VLDLR: variants seen among roughly 807,000 people sequenced by gnomAD.
VLDLR encodes the protein very low density lipoprotein receptor.
VLDLR carries 81 observed loss-of-function variants against 112.7 expected under a neutral mutation model. The observed-to-expected ratio is 0.72, with a 90% CI of 0.60 to 0.86. The LOEUF (loss-of-function observed/expected upper bound fraction) is 0.86, where lower values mean the gene tolerates loss of function less well. VLDLR is among the 40% of genes least tolerant of loss of function. The probability of loss-of-function intolerance (pLI) is 0.00; values close to 1 mark genes in which losing one functional copy is unlikely to be tolerated. For missense variants in VLDLR, 1,237 were observed against 1,099.4 expected, an observed-to-expected ratio of 1.13 and a Z score of -1.77; for synonymous variants, 436 against 384.8, an observed-to-expected ratio of 1.13 and a Z score of -1.56.
chr9:2,629,707 T>G (rs1292886444), intron 1 of VLDLR, among the ~76,000 whole-genome samples: 6 of 152,256 alleles, frequency 3.9e-5, no homozygotes, highest in Admixed American at 3.9e-4. Context: ...ACAATTGAAC[T>G]GTAAAATTCA....
Position 2,643,527 on chromosome 9 carries a change from C to T in VLDLR, c.816C>T (p.Asn272=). Residue 272 remains asparagine (N), a synonymous_variant, in exon 5 of 19, where the codon AAC becomes AAT. Transcript: ENST00000382100. ...PDCKDGSDEV[N]CPSRTCRPDQ... is the part of the protein sequence containing the mutation. ...GCAAGGATGGCAGTGATGAGGTCAACTGTCGTAAGTAGCTTTCTAGCATGG... is the reference window on the plus strand; with the variant it reads ...GCAAGGATGGCAGTGATGAGGTCAATTGTCGTAAGTAGCTTTCTAGCATGG... 3 of 1,614,214 alleles carry T rather than the reference C, an allele frequency of 1.9e-6. No individual in the cohort carries two copies. The highest frequency in any genetic ancestry group is 2.5e-6 in the Non-Finnish European group (3 of 1,180,038).
Position 2,657,168 on chromosome 9 carries a change from A to T in VLDLR, c.*3300A>T, listed in dbSNP as rs545549168. 1 of 152,144 alleles carries T rather than the reference A, an allele frequency of 6.6e-6. No homozygotes were observed. The highest frequency in any genetic ancestry group is 1.5e-5 in the Non-Finnish European group (1 of 68,028). The allele number at this position is 152,144 out of a possible 1,614,324, so 9.4% of individuals were successfully genotyped here. A position where few individuals can be genotyped will look rare whatever the true frequency, so the allele number is the denominator to read the frequency against. On this transcript the variant is annotated 3_prime_UTR_variant, in exon 19 of 19. Coordinates refer to ENST00000382100, the MANE Select transcript of VLDLR (RefSeq NM_003383.5). ...AACAATCTTTACCCCAAACCTAAAG[A>T]TTCTAGGGGTCACTTATCTCTATTA...
chr9:2,645,131 C>G (rs748966589), intron 9 of VLDLR, 49 bp downstream of exon 9: 1 of 1,612,964 alleles, frequency 6.2e-7, no homozygotes, highest in Non-Finnish European at 8.5e-7. Flanking sequence ...TGAGTAAGTG[C>G]CTCTAAAAGG....
chr9:2,630,969 G>A (rs1817325700), intron 1 of VLDLR, among the ~76,000 whole-genome samples: 1 of 151,772 alleles, frequency 6.6e-6, no homozygotes, highest in Non-Finnish European at 1.5e-5. Context: ...CTCAAACAAT[G>A]GGGAAAAAAT....
chr9:2,645,794 TG>T, intron 10 of VLDLR, 49 bp downstream of exon 10: 2 of 1,610,146 alleles, frequency 1.2e-6, no homozygotes, highest in Non-Finnish European at 1.7e-6. Context: ...CATTGTCACT[TG>T]GGAAGTGATC....
rs1818729500 is a variant in VLDLR at position 2,659,633 on chromosome 9, G to C, written c.*5765G>C. 1 of 152,194 alleles carries C rather than the reference G, an allele frequency of 6.6e-6. No homozygotes were observed. The highest frequency in any genetic ancestry group is 2.4e-5 in the African/African-American group (1 of 41,446). 9.4% of individuals were successfully genotyped at this position (152,194 alleles called of 1,614,324 possible). On this transcript the variant is annotated 3_prime_UTR_variant, in exon 19 of 19. Transcript: ENST00000382100. The stretch of plus-strand genomic sequence containing the variant: ...CAAACTGTACCACAACAAATCTTAA[G>C]TTTCAAGGCTCTCCTATAGGGAGAA...
At chr9:2,647,754 G>T in intron 12 of VLDLR, 162 bp downstream of exon 12, 1 of 728,264 alleles carries the variant, frequency 1.4e-6, no homozygotes, top group Non-Finnish European at 2.5e-6. Context: ...GTAAAATGGT[G>T]GATTAACAAA....
At chr9:2,633,533 A>G (rs891748982) in intron 1 of VLDLR, among the ~76,000 whole-genome samples, 3 of 152,130 alleles carry the variant, frequency 2.0e-5, no homozygotes, top group African/African-American at 7.2e-5. Flanking sequence ...TCTGATTACA[A>G]GGTTTCCATT....
chr9:2,652,551 C>T (rs1586661360), intron 17 of VLDLR, among the ~76,000 whole-genome samples: 1 of 152,168 alleles, frequency 6.6e-6, no homozygotes, highest in African/African-American at 2.4e-5. Flanking sequence ...GGACCCTGCC[C>T]TTGCCTGGAT....
intron 13 of VLDLR, 79 bp from the exon 14 acceptor site, chr9:2,648,588 TGA>T: frequency 6.3e-7 from 1 of 1,595,340 alleles, no homozygotes; most frequent in East Asian, 2.2e-5. Flanking sequence ...GTCCATTAAA[TGA>T]GAAGTAAATG....
At chr9:2,627,067 G>GGTA (rs140570204) in intron 1 of VLDLR, among the ~76,000 whole-genome samples, 1 of 151,748 alleles carries the variant, frequency 6.6e-6, no homozygotes, top group African/African-American at 2.4e-5. Flanking sequence ...CCATAGCACT[G>GGTA]GTTCCTTCCT....
Position 2,654,095 on chromosome 9 carries a change from C to T in VLDLR, c.*227C>T. 3.7e-6 allele frequency: 2 copies of T among 536,856 alleles called. No homozygotes were observed. Among genetic ancestry groups the T allele is most frequent in the South Asian group, 4.1e-5 (2 of 49,234 alleles). 33.3% of individuals were successfully genotyped at this position (536,856 alleles called of 1,614,324 possible). ...GGATGTGGTTACCGAGTATCTGTAACCCTTGAATTTCTAGACAGTATTGCC... is the reference window on the plus strand; with the variant it reads ...GGATGTGGTTACCGAGTATCTGTAATCCTTGAATTTCTAGACAGTATTGCC... On this transcript the variant is annotated 3_prime_UTR_variant, in exon 19 of 19. Coordinates refer to ENST00000382100, the MANE Select transcript of VLDLR (RefSeq NM_003383.5).
intron 13 of VLDLR, 74 bp downstream of exon 13, chr9:2,648,421 C>A (rs1004491467): frequency 1.2e-6 from 2 of 1,603,124 alleles, no homozygotes; most frequent in Non-Finnish European, 1.7e-6. Context: ...ACAGACATAG[C>A]GGGAGGAGGG....
chr9:2,644,497 A>C (rs1167342797), intron 7 of VLDLR, among the ~76,000 whole-genome samples: 1 of 151,866 alleles, frequency 6.6e-6, no homozygotes, highest in Non-Finnish European at 1.5e-5. Context: ...AACCTCCTTA[A>C]AGATAACTGA....
intron 9 of VLDLR, 86 bp downstream of exon 9, chr9:2,645,168 C>G (rs1818013509): frequency 6.3e-7 from 1 of 1,589,422 alleles, no homozygotes; most frequent in Non-Finnish European, 8.6e-7. Flanking sequence ...AATAGTCAAA[C>G]TAAACATGAA....
Position 2,656,240 on chromosome 9 carries a change from C to T in VLDLR, c.*2372C>T, listed in dbSNP as rs59816438. The T allele has an allele frequency of 1.3e-5, 2 of 151,744 alleles. No homozygotes were observed. The highest frequency in any genetic ancestry group is 6.6e-5 in the Admixed American group (1 of 15,242). 9.4% of individuals were successfully genotyped at this position (151,744 alleles called of 1,614,324 possible). On this transcript the variant is annotated 3_prime_UTR_variant, in exon 19 of 19. Transcript: ENST00000382100. ...GCCAAGGTACAACTCATTGTACCTA[C>T]GAGGTACAAACTCATTTGTAGAAAC...
At position 2,638,002 on chromosome 9, in the gene VLDLR, A is replaced by C. The variant is rs574976328; in HGVS notation, c.203-1857A>C. 3.3e-5 allele frequency among the ~76,000 whole-genome samples: 5 copies of C among 152,338 alleles called. No homozygotes were observed. The East Asian group carries it at 9.6e-4, about 29-fold the overall frequency. ...AATCAATCAATCATGGGGTCTCTTT[A>C]CAGCCATTCCGCTACTCCCTCTTTT... On this transcript the variant is annotated intron_variant, in intron 2 of 18. Coordinates refer to ENST00000382100, the MANE Select transcript of VLDLR (RefSeq NM_003383.5).
At chr9:2,628,932 G>A (rs925332722) in intron 1 of VLDLR, among the ~76,000 whole-genome samples, 3 of 152,240 alleles carry the variant, frequency 2.0e-5, no homozygotes, top group Non-Finnish European at 4.4e-5. Flanking sequence ...GGCCTTATGA[G>A]GGTGTTATTG....
At chr9:2,622,699 G>A (rs557017462) in intron 1 of VLDLR, among the ~76,000 whole-genome samples, 2 of 152,144 alleles carry the variant, frequency 1.3e-5, no homozygotes, top group Non-Finnish European at 2.9e-5. Flanking sequence ...CGAACCCCGG[G>A]GAGTGCGGGA....
Sources: gnomAD v4.1 joint callset for allele counts (sites outside exome capture counted in the v4.1 genomes callset) on GRCh38, gnomAD v4.1.1 for gene constraint, MANE v1.5 for transcripts, NCBI Gene and HGNC (gene_info 2026-07-23, HGNC 2026-07-21) for gene names.